RASGRP3: variants seen among roughly 807,000 people sequenced by gnomAD.
The protein encoded by RASGRP3 is ras guanyl-releasing protein 3.
A neutral mutation model predicts 82.7 loss-of-function variants in RASGRP3; 54 were observed. The ratio of observed to expected loss-of-function variants is 0.65; its 90% confidence interval spans 0.52 to 0.82. The LOEUF (loss-of-function observed/expected upper bound fraction) is 0.82, where lower values mean the gene tolerates loss of function less well. RASGRP3 is among the 40% of genes least tolerant of loss of function. The pLI is 0.00. For synonymous variants in RASGRP3, 309 were observed against 300.5 expected (o/e 1.03, Z -0.29); for missense variants, 861 against 828.9 (o/e 1.04, Z -0.48).
chr2:33,529,941 G>T (rs1370697765), intron 10 of RASGRP3, among the ~76,000 whole-genome samples: 2 of 152,134 alleles, frequency 1.3e-5, no homozygotes, highest in Non-Finnish European at 1.5e-5. Context: ...CAAACTTCCA[G>T]TCAAGATCCT....
At chr2:33,551,874 T>A (rs911958831) in intron 14 of RASGRP3, among the ~76,000 whole-genome samples, 2 of 151,792 alleles carry the variant, frequency 1.3e-5, no homozygotes, top group Non-Finnish European at 2.9e-5. Context: ...GCGCCTGCAG[T>A]CCCAGCTACT....
chr2:33,537,330 C>CGCCCCCA, intron 11 of RASGRP3, among the ~76,000 whole-genome samples: 2 of 95,716 alleles, frequency 2.1e-5, no homozygotes, highest in South Asian at 6.4e-4. Flanking sequence ...ACCGCCCCCC[C>CGCCCCCA]CACACACACA....
chr2:33,467,488 G>A (rs941770806), intron 2 of RASGRP3, among the ~76,000 whole-genome samples: 46 of 152,322 alleles, frequency 3.0e-4, no homozygotes, highest in African/African-American at 1.1e-3. Flanking sequence ...AAAAGTGTAT[G>A]TGTCTGAAAA....
chr2:33,562,131 A>C (rs1676732149), intron 17 of RASGRP3, among the ~76,000 whole-genome samples: 1 of 152,180 alleles, frequency 6.6e-6, no homozygotes, highest in African/African-American at 2.4e-5. Flanking sequence ...GATTTCTAAG[A>C]GGGAAACCTT....
chr2:33,549,611 C>G lies in RASGRP3; in HGVS notation c.1402C>G (p.Leu468Val). 4 of 1,612,392 alleles carry G rather than the reference C, an allele frequency of 2.5e-6. No individual in the cohort carries two copies. Among genetic ancestry groups the G allele is most frequent in the Non-Finnish European group, 3.4e-6 (4 of 1,179,052 alleles). ...FCVLDKDQDG[L>V]ISKDEMMAYF... is the part of the protein sequence containing the mutation. ...CTTTGATTCTCTTAACAGGGATGGC[C>G]TAATTAGTAAAGATGAAATGATGGC... The change falls in exon 14 of 18, where the codon CTA becomes GTA. Residue 468 changes from leucine (L) to valine (V), a missense_variant. By Grantham distance (32) the Leu-to-Val change is conservative. Transcript: ENST00000403687.
Position 33,558,954 on chromosome 2 carries a change from G to A in RASGRP3, c.1988G>A (p.Gly663Asp). Residue 663 changes from glycine to aspartate, a missense_variant, in exon 17 of 18, where the codon GGT becomes GAT. By Grantham distance (94) the Gly-to-Asp change is moderately conservative. Transcript: ENST00000403687. ...WENEKPRVHA[G>D]VDVVDRGTEF... is the part of the protein sequence containing the mutation. Reference sequence around the variant, plus strand: ...AATGAGAAGCCCAGGGTGCATGCTGGTGTGGATGTTGTAGACCGGGGCACG... The same window carrying A: ...AATGAGAAGCCCAGGGTGCATGCTGATGTGGATGTTGTAGACCGGGGCACG... 6.2e-7 allele frequency: 1 copy of A among 1,614,022 alleles called. No individual in the cohort carries two copies. The highest frequency in any genetic ancestry group is 8.5e-7 in the Non-Finnish European group (1 of 1,179,902).
At chr2:33,536,367 G>T (rs1275657649) in intron 11 of RASGRP3, among the ~76,000 whole-genome samples, 1 of 150,614 alleles carries the variant, frequency 6.6e-6, no homozygotes, top group Non-Finnish European at 1.5e-5. Flanking sequence ...AGAAAACTAG[G>T]TCTGGTGAGA....
At chr2:33,478,115 C>T (rs1667544724) in intron 1 of RASGRP3, among the ~76,000 whole-genome samples, 1 of 152,170 alleles carries the variant, frequency 6.6e-6, no homozygotes, top group African/African-American at 2.4e-5. Context: ...GATCGAGTTT[C>T]CCTCAGCACA....
At chr2:33,505,294 A>G (rs1296196849) in intron 1 of RASGRP3, among the ~76,000 whole-genome samples, 2 of 149,148 alleles carry the variant, frequency 1.3e-5, no homozygotes, top group South Asian at 2.1e-4. Flanking sequence ...AGGACCGCAG[A>G]CAGGATTTTT....
intron 1 of RASGRP3, among the ~76,000 whole-genome samples, chr2:33,509,481 T>G (rs1396011420): frequency 1.3e-5 from 2 of 152,212 alleles, no homozygotes; most frequent in Admixed American, 1.3e-4. Context: ...AAGGATATAC[T>G]CCTTACTAAA....
In RASGRP3 at chr2:33,562,889, C is replaced by A; in HGVS notation, c.*152C>A. 9.9e-7 allele frequency: 1 copy of A among 1,007,424 alleles called. No individual in the cohort carries two copies. Among genetic ancestry groups the A allele is most frequent in the Non-Finnish European group, 1.5e-6 (1 of 687,098 alleles). The allele number at this position is 1,007,424 out of a possible 1,614,324, so 62.4% of individuals were successfully genotyped here. A position where few individuals can be genotyped will look rare whatever the true frequency, so the allele number is the denominator to read the frequency against. Reference sequence around the variant, plus strand: ...ACACTGTGGGATCTCCATGTTTGGACTATGGGACAGAGAATTGACCCTAAC... The same window carrying A: ...ACACTGTGGGATCTCCATGTTTGGAATATGGGACAGAGAATTGACCCTAAC... On this transcript the variant is annotated 3_prime_UTR_variant, in exon 18 of 18. Transcript: ENST00000403687.
chr2:33,469,688 T>A (rs1384348613), intron 2 of RASGRP3, among the ~76,000 whole-genome samples: 1 of 152,110 alleles, frequency 6.6e-6, no homozygotes, highest in Non-Finnish European at 1.5e-5. Context: ...CTCAAACTCC[T>A]GACCTTAGAT....
chr2:33,478,701 A>C (rs945979960), intron 1 of RASGRP3, among the ~76,000 whole-genome samples: 1 of 152,216 alleles, frequency 6.6e-6, no homozygotes, highest in African/African-American at 2.4e-5. Flanking sequence ...GGAATGATAG[A>C]ATGTGCGATT....
Position 33,562,932 on chromosome 2 carries a change from T to C in RASGRP3, c.*195T>C. 1 of 683,034 alleles carries C rather than the reference T, an allele frequency of 1.5e-6. No homozygotes were observed. The highest frequency in any genetic ancestry group is 2.8e-5 in the East Asian group (1 of 36,186). The allele number at this position is 683,034 out of a possible 1,614,324, so 42.3% of individuals were successfully genotyped here. A position where few individuals can be genotyped will look rare whatever the true frequency, so the allele number is the denominator to read the frequency against. On this transcript the variant is annotated 3_prime_UTR_variant, in exon 18 of 18. Coordinates refer to ENST00000403687, the MANE Select transcript of RASGRP3 (RefSeq NM_001139488.2). ...ACCCTAACTAACTAACTATGAACTATTTATTTCCTCCTCCCCTACCCCTAG... is the reference window on the plus strand; with the variant it reads ...ACCCTAACTAACTAACTATGAACTACTTATTTCCTCCTCCCCTACCCCTAG...
chr2:33,442,598 C>T (rs1177776689), intron 1 of RASGRP3, among the ~76,000 whole-genome samples: 1 of 152,200 alleles, frequency 6.6e-6, no homozygotes, highest in Non-Finnish European at 1.5e-5. Flanking sequence ...CTGTTTGTGA[C>T]AGCATAATCC....
At chr2:33,471,464 G>A (rs982499183) in intron 2 of RASGRP3, among the ~76,000 whole-genome samples, 6 of 151,550 alleles carry the variant, frequency 4.0e-5, no homozygotes, top group Admixed American at 2.6e-4. Context: ...TTACAGGGGT[G>A]AGCCACTATT....
In RASGRP3 at chr2:33,499,429, C is replaced by T. The variant is rs776117317; in HGVS notation, c.-260-12281C>T. Among the ~76,000 whole-genome samples, 8 of 151,970 alleles carry T rather than the reference C, an allele frequency of 5.3e-5. No homozygotes were observed. The East Asian group carries it at 9.6e-4, about 18-fold the overall frequency. ...CAAAAATTAGCTGGGTGTGGTGGTG[C>T]GCACATGTGGTCCCAGCTACTCGAA... On this transcript the variant is annotated intron_variant, in intron 1 of 17. Transcript: ENST00000403687.
intron 6 of RASGRP3, 38 bp from the exon 7 acceptor site, chr2:33,521,917 C>T: frequency 6.3e-7 from 1 of 1,582,136 alleles, no homozygotes; most frequent in Non-Finnish European, 8.6e-7. Flanking sequence ...GTGAAATGGG[C>T]TTTCAACACA....
At chr2:33,555,786 C>T (rs916908238) in intron 15 of RASGRP3, among the ~76,000 whole-genome samples, 3 of 152,172 alleles carry the variant, frequency 2.0e-5, no homozygotes, top group Admixed American at 6.5e-5. Context: ...CTTATCAACA[C>T]ACATAAATCT....
Sources: gnomAD v4.1 joint callset for allele counts (sites outside exome capture counted in the v4.1 genomes callset) on GRCh38, gnomAD v4.1.1 for gene constraint, MANE v1.5 for transcripts, NCBI Gene and HGNC (gene_info 2026-07-23, HGNC 2026-07-21) for gene names.